Variants in COL28A1 observed in about 807,000 individuals in gnomAD.
COL28A1 encodes collagen type XXVIII alpha 1 chain.
A neutral mutation model predicts 150.2 loss-of-function variants in COL28A1; 161 were observed. The ratio of observed to expected loss-of-function variants is 1.07; its 90% CI spans 0.94 to 1.22. The LOEUF (loss-of-function observed/expected upper bound fraction) is 1.22. COL28A1 is among the 50% of genes most tolerant of loss of function. The probability of loss-of-function intolerance (pLI) is 0.00; values close to 1 mark genes in which losing one functional copy is unlikely to be tolerated. For synonymous variants in COL28A1, 552 were observed against 469.7 expected, an observed-to-expected ratio of 1.18 and a Z score of -2.26; for missense variants, 1,617 against 1,388.3, an observed-to-expected ratio of 1.16 and a Z score of -2.62.
downstream of COL28A1, among the ~76,000 whole-genome samples, chr7:7,353,932 C>A (rs975472806): frequency 3.3e-5 from 5 of 152,086 alleles, no homozygotes; most frequent in African/African-American, 1.2e-4. Flanking sequence ...ACCCATAGCT[C>A]TCCATCCTAC....
chr7:7,399,322 T>C (rs111698633), intron 27 of COL28A1, among the ~76,000 whole-genome samples: 5 of 152,298 alleles, frequency 3.3e-5, no homozygotes, highest in African/African-American at 7.2e-5. Flanking sequence ...AAGAGTGACA[T>C]CTTCCATATC....
intron 27 of COL28A1, among the ~76,000 whole-genome samples, chr7:7,407,356 T>C (rs1346074373): frequency 6.6e-6 from 1 of 151,870 alleles, no homozygotes; most frequent in Admixed American, 6.6e-5. Flanking sequence ...CTAATGAATC[T>C]TAAACAAGAT....
chr7:7,373,004 G>A lies in COL28A1; in HGVS notation c.2902C>T (p.Leu968=). The A allele has an allele frequency of 6.2e-7, 1 of 1,612,512 alleles. No individual in the cohort carries two copies. The highest frequency in any genetic ancestry group is 8.5e-7 in the Non-Finnish European group (1 of 1,179,032). The change falls in exon 32 of 35, where the codon CTG becomes TTG. Residue 968 remains leucine, a synonymous_variant. Coordinates refer to ENST00000399429, the MANE Select transcript of COL28A1 (RefSeq NM_001037763.3). The surrounding 1 kb of genome is among the most constrained non-coding windows in gnomAD (Gnocchi z 4.1). The part of the protein sequence containing the change: ...HVYQFDDFFT[L]QDTLKQKLFQ... ...GCCAGATAGCCTTCCTTACCTTGCA[G>A]GGTAAAGAAATCATCAAACTGGTAA...
At chr7:7,413,065 T>A (rs1384270281) in intron 27 of COL28A1, among the ~76,000 whole-genome samples, 2 of 152,096 alleles carry the variant, frequency 1.3e-5, no homozygotes, top group African/African-American at 4.8e-5. Flanking sequence ...GCTTCAGATG[T>A]CTCAGAGGTT....
intron 18 of COL28A1, among the ~76,000 whole-genome samples, chr7:7,449,613 C>T (rs1376699199): frequency 6.6e-6 from 1 of 151,678 alleles, no homozygotes; most frequent in Non-Finnish European, 1.5e-5. Flanking sequence ...TACATAGGGA[C>T]TGAAAAAGCA....
chr7:7,403,368 T>C (rs1353332425), intron 27 of COL28A1, among the ~76,000 whole-genome samples: 1 of 152,218 alleles, frequency 6.6e-6, no homozygotes, highest in African/African-American at 2.4e-5. Flanking sequence ...TTTGGGTATA[T>C]GTCATAAACT....
intron 25 of COL28A1, among the ~76,000 whole-genome samples, chr7:7,420,467 G>A (rs1387012918): frequency 5.9e-5 from 9 of 152,240 alleles, no homozygotes; most frequent in Non-Finnish European, 1.3e-4. Context: ...GGTACCTGAT[G>A]AGGGTAGGTG....
intron 7 of COL28A1, among the ~76,000 whole-genome samples, chr7:7,516,871 GGTATGA>G: frequency 6.6e-6 from 1 of 152,180 alleles, no homozygotes; most frequent in Middle Eastern, 3.4e-3. Context: ...TGGTATTACA[GGTATGA>G]GTCACTGTGC....
intron 3 of COL28A1, among the ~76,000 whole-genome samples, 192 bp downstream of exon 3, chr7:7,531,156 G>C (rs1289311885): frequency 6.6e-6 from 1 of 152,156 alleles, no homozygotes; most frequent in African/African-American, 2.4e-5. Flanking sequence ...AATTAGCCTG[G>C]AACTTTTCCA....
At chr7:7,426,380 C>T (rs975031589) in intron 25 of COL28A1, among the ~76,000 whole-genome samples, 2 of 152,146 alleles carry the variant, frequency 1.3e-5, no homozygotes, top group Non-Finnish European at 2.9e-5. Flanking sequence ...TCTAGAATAC[C>T]TCACTCGTGG....
Position 7,531,631 on chromosome 7 carries a change from G to A in COL28A1, c.398C>T (p.Ser133Phe). The A allele has an allele frequency of 1.9e-6, 3 of 1,605,506 alleles. No homozygotes were observed. The highest frequency in any genetic ancestry group is 2.6e-6 in the Non-Finnish European group (3 of 1,172,078). The part of the protein sequence containing the change: ...SMNLIGQGTF[S>F]YYAISNATRL... ...AGTGGCATTGGAAATGGCATAATAAGAGAAGGTACCTTGCCCTATTAAATT... is the reference window on the plus strand; with the variant it reads ...AGTGGCATTGGAAATGGCATAATAAAAGAAGGTACCTTGCCCTATTAAATT... Residue 133 changes from serine (S) to phenylalanine (F), a missense_variant, in exon 3 of 35, where the codon TCT (serine) becomes TTT (phenylalanine). Ser to Phe is a radical substitution (Grantham distance 155). Transcript: ENST00000399429.
At chr7:7,347,696 A>G in the COL28A1 span, among the ~76,000 whole-genome samples, 1 of 152,144 alleles carries the variant, frequency 6.6e-6, no homozygotes, top group Non-Finnish European at 1.5e-5. Flanking sequence ...AATCTTATAT[A>G]GTCTGTAGGA....
At chr7:7,366,468 T>A (rs895828737) in intron 33 of COL28A1, among the ~76,000 whole-genome samples, 1 of 152,190 alleles carries the variant, frequency 6.6e-6, no homozygotes, top group Non-Finnish European at 1.5e-5. Context: ...TTATTATTTT[T>A]GTTTTTTTCC....
chr7:7,535,183 C>T (rs547926297), intron 1 of COL28A1, among the ~76,000 whole-genome samples: 117 of 152,176 alleles, frequency 7.7e-4, no homozygotes, highest in African/African-American at 2.6e-3. Flanking sequence ...TTTATAAATG[C>T]AGAAACAATC....
chr7:7,475,295 T>C (rs946092239), intron 14 of COL28A1, among the ~76,000 whole-genome samples: 2 of 152,192 alleles, frequency 1.3e-5, no homozygotes, highest in Non-Finnish European at 2.9e-5. Flanking sequence ...AGAAGCAGCA[T>C]TCATTTAATA....
At chr7:7,425,600 CT>C (rs1784609358) in intron 25 of COL28A1, among the ~76,000 whole-genome samples, 1 of 152,212 alleles carries the variant, frequency 6.6e-6, no homozygotes, top group African/African-American at 2.4e-5. Context: ...TATACCAGTT[CT>C]TAATCTCTCT....
chr7:7,368,713 A>G (rs1384132764), intron 33 of COL28A1, among the ~76,000 whole-genome samples: 3 of 152,208 alleles, frequency 2.0e-5, no homozygotes, highest in African/African-American at 7.2e-5. Context: ...TTCACAAGCC[A>G]GAAAGCAAGC....
chr7:7,523,759 T>A (rs1185668217), intron 4 of COL28A1, among the ~76,000 whole-genome samples: 1 of 152,156 alleles, frequency 6.6e-6, no homozygotes, highest in Non-Finnish European at 1.5e-5. Flanking sequence ...GTTGCCATCA[T>A]CAGGCTGCCT....
intron 24 of COL28A1, 37 bp downstream of exon 24, chr7:7,432,595 A>C (rs1785051156): frequency 1.9e-6 from 3 of 1,612,266 alleles, no homozygotes; most frequent in Non-Finnish European, 2.5e-6. Flanking sequence ...TGCAACACTC[A>C]AAAAGGAGGG....
Sources: gnomAD v4.1 joint callset for allele counts (sites outside exome capture counted in the v4.1 genomes callset) on GRCh38, gnomAD v4.1.1 for gene constraint, Gnocchi (gnomAD v3.1) non-coding constraint, MANE v1.5 for transcripts, NCBI Gene and HGNC (gene_info 2026-07-23, HGNC 2026-07-21) for gene names.